The following KLF8 variants were observed in gnomAD, a reference collection of about 807,000 sequenced individuals.
KLF8 encodes Krueppel-like factor 8.
In KLF8, 10 loss-of-function variants were observed where a neutral mutation model predicts 18.2. That is an observed-to-expected ratio of 0.55 (90% CI 0.34 to 0.93). The LOEUF is 0.93. Ranked by LOEUF, KLF8 falls within the 40% of genes least tolerant of loss-of-function variation. The pLI is 0.02. For missense variants in KLF8, 264 were observed against 277.9 expected (o/e 0.95, Z 0.36); for synonymous variants, 109 against 97.3 (o/e 1.12, Z -0.71).
the KLF8 span, among the ~76,000 whole-genome samples, chrX:56,182,664 T>A: frequency 3.6e-5 from 4 of 112,595 alleles, no homozygotes; most frequent in Non-Finnish European, 7.5e-5. Context: ...GGTGTCCTTT[T>A]TGTTTGTTAG....
chrX:56,283,209 G>T (rs1452153306), intron 5 of KLF8, among the ~76,000 whole-genome samples: 1 of 110,826 alleles, frequency 9.0e-6, no homozygotes, highest in African/African-American at 3.3e-5. Flanking sequence ...ACAACCCAAA[G>T]ATTCTGGGCA....
At chrX:56,107,002 G>C in the KLF8 span, among the ~76,000 whole-genome samples, 1 of 111,925 alleles carries the variant, frequency 8.9e-6, no homozygotes, top group Admixed American at 9.4e-5. Context: ...GAGTTTGCTG[G>C]AGGATGACTC....
At chrX:55,968,383 T>A in the KLF8 span, among the ~76,000 whole-genome samples, 952 of 112,004 alleles carry the variant, frequency 8.5e-3, 12 homozygotes, top group African/African-American at 0.03. Flanking sequence ...ACACGTAGAC[T>A]GAAATAAATG....
At chrX:56,066,016 C>A in the KLF8 span, among the ~76,000 whole-genome samples, 1 of 111,413 alleles carries the variant, frequency 9.0e-6, no homozygotes, top group Non-Finnish European at 1.9e-5. Context: ...ACAGCTTGCT[C>A]AGGTACAGGC....
In KLF8 at chrX:56,288,756, T is replaced by C. The variant is rs1049232384; in HGVS notation, c.*4262T>C. On this transcript the variant is annotated 3_prime_UTR_variant, in exon 6 of 6. Coordinates refer to ENST00000468660, the MANE Select transcript of KLF8 (RefSeq NM_007250.5). Reference sequence around the variant, plus strand: ...TGGAAAAATGGTGCCAATAGACTTGTTGGTCACAGGGTTGCCACAAACTTT... The same window carrying C: ...TGGAAAAATGGTGCCAATAGACTTGCTGGTCACAGGGTTGCCACAAACTTT... Among the ~76,000 whole-genome samples, 2 of 112,709 alleles carry C rather than the reference T, an allele frequency of 1.8e-5. No homozygotes were observed. Among genetic ancestry groups the C allele is most frequent in the Non-Finnish European group, 3.7e-5 (2 of 53,373 alleles).
the KLF8 span, among the ~76,000 whole-genome samples, chrX:56,052,882 A>T: frequency 9.0e-6 from 1 of 111,064 alleles, no homozygotes; most frequent in Non-Finnish European, 1.9e-5. Context: ...GCGGCCTTGC[A>T]GTTTGATGTC....
chrX:56,049,046 C>A, the KLF8 span, among the ~76,000 whole-genome samples: 3 of 111,643 alleles, frequency 2.7e-5, no homozygotes, highest in Non-Finnish European at 5.6e-5. Context: ...TGGGAGTTCA[C>A]TCATGATTTG....
At chrX:55,991,360 A>G in the KLF8 span, among the ~76,000 whole-genome samples, 1 of 112,052 alleles carries the variant, frequency 8.9e-6, no homozygotes, top group Non-Finnish European at 1.9e-5. Flanking sequence ...GGAAGGGTGC[A>G]GTATTAGGGT....
chrX:56,046,310 T>C, the KLF8 span, among the ~76,000 whole-genome samples: 3 of 111,725 alleles, frequency 2.7e-5, no homozygotes, highest in African/African-American at 9.7e-5. Context: ...CAGTTTTCTT[T>C]TTTTGTTATG....
the KLF8 span, among the ~76,000 whole-genome samples, chrX:56,036,138 T>C: frequency 1.9e-4 from 21 of 111,691 alleles, no homozygotes; most frequent in Non-Finnish European, 3.4e-4. Flanking sequence ...TATACATATT[T>C]ATGGGGTACA....
the KLF8 span, among the ~76,000 whole-genome samples, chrX:56,001,988 T>C: frequency 1.8e-5 from 2 of 112,150 alleles, no homozygotes; most frequent in Non-Finnish European, 3.8e-5. Context: ...TCCAGACTTT[T>C]TATGAAGGCC....
At chrX:56,056,882 G>A in the KLF8 span, among the ~76,000 whole-genome samples, 2 of 108,553 alleles carry the variant, frequency 1.8e-5, no homozygotes, top group Middle Eastern at 4.7e-3. Flanking sequence ...GGGCCAAGGT[G>A]CTCTCCAACA....
chrX:55,938,797 A>C, the KLF8 span, among the ~76,000 whole-genome samples: 1 of 111,846 alleles, frequency 8.9e-6, no homozygotes, highest in Non-Finnish European at 1.9e-5. Context: ...CATAATGGTA[A>C]AGGGATCAAT....
chrX:56,018,173 T>A, the KLF8 span, among the ~76,000 whole-genome samples: 1 of 111,475 alleles, frequency 9.0e-6, no homozygotes, highest in African/African-American at 3.3e-5. Flanking sequence ...AACCAGCTCC[T>A]CTTCATTCTC....
At chrX:55,946,616 A>G in the KLF8 span, among the ~76,000 whole-genome samples, 4 of 111,934 alleles carry the variant, frequency 3.6e-5, no homozygotes, top group Non-Finnish European at 5.6e-5. Context: ...CAATGGTAAC[A>G]AAAGCCAAAA....
the KLF8 span, among the ~76,000 whole-genome samples, chrX:56,187,553 G>A: frequency 2.7e-5 from 3 of 111,303 alleles, no homozygotes; most frequent in East Asian, 2.8e-4. Context: ...TACCAAAGCC[G>A]GGCAGAGACA....
At chrX:56,164,727 C>T in the KLF8 span, among the ~76,000 whole-genome samples, 10 of 21,629 alleles carry the variant, frequency 4.6e-4, no homozygotes, top group African/African-American at 1.2e-3. Context: ...TTCTTGTTAT[C>T]TCTTTTTTTT....
chrX:56,152,062 A>T, the KLF8 span, among the ~76,000 whole-genome samples: 1 of 111,977 alleles, frequency 8.9e-6, no homozygotes. Flanking sequence ...TTATAGTTTT[A>T]GGAATTTACA....
At chrX:56,003,295 A>T in the KLF8 span, among the ~76,000 whole-genome samples, 3 of 110,912 alleles carry the variant, frequency 2.7e-5, no homozygotes, top group Non-Finnish European at 3.8e-5. Context: ...CTATAGTCCC[A>T]GCTACTCGGG....
Sources: allele counts gnomAD v4.1 joint callset (sites outside exome capture counted in the v4.1 genomes callset), GRCh38; gene constraint gnomAD v4.1.1; transcripts MANE v1.5; gene names NCBI Gene and HGNC (gene_info 2026-07-23, HGNC 2026-07-21).